FAM193A: variants seen among roughly 807,000 people sequenced by gnomAD.
The protein encoded by FAM193A is family with sequence similarity 193 member A.
Under a neutral mutation model 126.5 loss-of-function variants are expected in FAM193A, and 22 were observed. That is an observed-to-expected ratio of 0.17 (90% CI 0.12 to 0.25). The LOEUF (loss-of-function observed/expected upper bound fraction) is 0.25. FAM193A is among the 10% of genes least tolerant of loss of function. FAM193A has a pLI of 1.00. For missense variants in FAM193A, 1,675 were observed against 1,672.8 expected (o/e 1.00, Z -0.02); for synonymous variants, 761 against 646.8 (o/e 1.18, Z -2.68).
chr4:2,631,862 C>G (rs1164521626), intron 5 of FAM193A, among the ~76,000 whole-genome samples: 2 of 152,176 alleles, frequency 1.3e-5, no homozygotes, highest in African/African-American at 4.8e-5. Flanking sequence ...CTCAGTGCCC[C>G]CACGCTTTGG....
At chr4:2,648,135 A>G (rs1357058199) in intron 7 of FAM193A, among the ~76,000 whole-genome samples, 1 of 152,186 alleles carries the variant, frequency 6.6e-6, no homozygotes, top group Non-Finnish European at 1.5e-5. Flanking sequence ...ATTCTTCTGC[A>G]TTCTCAGCCT....
chr4:2,566,636 C>T (rs917019158), intron 1 of FAM193A, among the ~76,000 whole-genome samples: 1 of 151,884 alleles, frequency 6.6e-6, no homozygotes, highest in Admixed American at 6.6e-5. Flanking sequence ...TGCAGTGAGC[C>T]AAGATCACAC....
chr4:2,626,263 C>G, intron 3 of FAM193A, 147 bp from the exon 4 acceptor site: 1 of 603,472 alleles, frequency 1.7e-6, no homozygotes, highest in Admixed American at 2.5e-5. Context: ...GATGCCATCA[C>G]CCCCCTGCAC....
chr4:2,569,574 T>C (rs1398485359), intron 1 of FAM193A, among the ~76,000 whole-genome samples: 1 of 152,146 alleles, frequency 6.6e-6, no homozygotes, highest in African/African-American at 2.4e-5. Context: ...CATGACTCAC[T>C]GCAGCCTCAA....
chr4:2,539,542 G>T (rs1333954154), intron 1 of FAM193A, among the ~76,000 whole-genome samples: 2 of 151,852 alleles, frequency 1.3e-5, no homozygotes, highest in African/African-American at 4.8e-5. Context: ...ATGTAGCTAG[G>T]CCTCTAGGTA....
rs1736917517 is a variant in FAM193A, at chr4:2,537,052, C to G, written c.137C>G (p.Ala46Gly). The G allele has an allele frequency of 6.8e-6, 1 of 147,124 alleles. No individual in the cohort carries two copies. Among genetic ancestry groups the G allele is most frequent in the Middle Eastern group, 3.4e-3 (1 of 292 alleles). The allele number at this position is 147,124 out of a possible 1,614,324, so 9.1% of individuals were successfully genotyped here. A position where few individuals can be genotyped will look rare whatever the true frequency, so the allele number is the denominator to read the frequency against. ...GPAAALRGSQ[A>G]AGLAAPGSAA... ...GCGGCGGCGCTGCGCGGTTCCCAGG[C>G]CGCGGGCCTGGCGGCCCCGGGCAGC... is the stretch of plus-strand genomic sequence containing the variant. Residue 46 changes from alanine (A) to glycine (G), a missense_variant, in exon 1 of 21, where the codon GCC (alanine) becomes GGC (glycine). Ala to Gly is a moderately conservative substitution (Grantham distance 60). Around this residue, in one of 4 missense-constraint regions of FAM193A, gnomAD observed 1,186 missense variants for 1,109.2 expected, o/e 1.07. Coordinates refer to ENST00000637812, the MANE Select transcript of FAM193A (RefSeq NM_001366318.2).
chr4:2,613,749 TG>T (rs1742021103), intron 2 of FAM193A, among the ~76,000 whole-genome samples: 1 of 116,582 alleles, frequency 8.6e-6, no homozygotes, highest in Non-Finnish European at 1.7e-5. Flanking sequence ...CCACCATACC[TG>T]GCCTTTTTTT....
chr4:2,696,274 A>AT (rs1436483739), intron 17 of FAM193A, 89 bp from the exon 18 acceptor site: 1 of 833,820 alleles, frequency 1.2e-6, no homozygotes, highest in Non-Finnish European at 1.9e-6. Flanking sequence ...TACTTGAGTA[A>AT]TAAAACAGTT....
chr4:2,594,820 CTTT>C (rs386399069), intron 1 of FAM193A, among the ~76,000 whole-genome samples: 49 of 62,226 alleles, frequency 7.9e-4, no homozygotes, highest in Non-Finnish European at 9.1e-4. Context: ...TTTTCTTTTC[CTTT>C]TTTTTTTTTT....
Position 2,725,450 on chromosome 4 carries a change from CAAAAAAA to C in FAM193A, c.4455-6305_4455-6299del, listed in dbSNP as rs71644355. ...GGGCAACAGAGTAAGACCCTGTCTC[CAAAAAAA>C]AAAAAAAAAAAAAAAAAAAGTAATC... On this transcript the variant is annotated intron_variant, in intron 20 of 20. Transcript: ENST00000637812. 9.9e-3 allele frequency among the ~76,000 whole-genome samples: 316 copies of C among 31,774 alleles called. 2 individuals are homozygous for C. The highest frequency in any genetic ancestry group is 0.027 in the African/African-American group (279 of 10,526). 20.8% of individuals were successfully genotyped at this position (31,774 alleles called of 152,430 possible). A position where few individuals can be genotyped will look rare whatever the true frequency, so the allele number is the denominator to read the frequency against.
intron 1 of FAM193A, among the ~76,000 whole-genome samples, chr4:2,579,978 C>T (rs1183835216): frequency 5.3e-5 from 8 of 152,122 alleles, no homozygotes; most frequent in Non-Finnish European, 1.0e-4. Context: ...CACATGCATG[C>T]GTGTGTTCAT....
At chr4:2,598,345 G>A (rs911897087) in intron 2 of FAM193A, among the ~76,000 whole-genome samples, 2 of 152,156 alleles carry the variant, frequency 1.3e-5, no homozygotes, top group Non-Finnish European at 2.9e-5. Flanking sequence ...ACCAATTTAT[G>A]CATTCACCAA....
intron 20 of FAM193A, among the ~76,000 whole-genome samples, chr4:2,724,089 T>C (rs865918407): frequency 2.0e-5 from 3 of 152,192 alleles, no homozygotes; most frequent in Admixed American, 6.5e-5. Flanking sequence ...TTATCTCTTA[T>C]TAATACTACA....
chr4:2,624,870 GTGTC>G (rs1259433121), intron 2 of FAM193A, among the ~76,000 whole-genome samples: 1 of 152,122 alleles, frequency 6.6e-6, no homozygotes, highest in Non-Finnish European at 1.5e-5. Context: ...ATGTATGTGT[GTGTC>G]TGTGTGACAA....
chr4:2,612,794 G>GC (rs1444306656), intron 2 of FAM193A, among the ~76,000 whole-genome samples: 4 of 152,076 alleles, frequency 2.6e-5, no homozygotes, highest in Non-Finnish European at 5.9e-5. Context: ...CTATTCCTTT[G>GC]CCAGTACCAT....
intron 10 of FAM193A, among the ~76,000 whole-genome samples, chr4:2,662,081 G>A (rs933483190): frequency 6.6e-5 from 10 of 152,156 alleles, no homozygotes; most frequent in African/African-American, 2.4e-4. Flanking sequence ...TACTCGGGAG[G>A]CTGAGGCAGG....
intron 6 of FAM193A, among the ~76,000 whole-genome samples, chr4:2,645,767 T>TC (rs1167353012): frequency 6.6e-6 from 1 of 152,174 alleles, no homozygotes; most frequent in African/African-American, 2.4e-5. Context: ...CCTCAGGTGA[T>TC]CCCCTCGCCT....
intron 1 of FAM193A, among the ~76,000 whole-genome samples, chr4:2,546,159 A>T (rs34859307): frequency 0.24 from 35,402 of 147,468 alleles, 4,331 homozygotes; most frequent in East Asian, 0.32. Flanking sequence ...AAAAAAAAAA[A>T]TTTTTTTTTT....
intron 1 of FAM193A, among the ~76,000 whole-genome samples, chr4:2,568,631 C>T (rs550088858): frequency 6.6e-6 from 1 of 152,278 alleles, no homozygotes; most frequent in South Asian, 2.1e-4. Context: ...ACATTCTAAG[C>T]CAGCATTCCC....
Sources: gnomAD v4.1 joint callset for allele counts (sites outside exome capture counted in the v4.1 genomes callset) on GRCh38, gnomAD v4.1.1 for gene constraint, gnomAD v4.1.1 regional missense constraint, MANE v1.5 for transcripts, NCBI Gene and HGNC (gene_info 2026-07-23, HGNC 2026-07-21) for gene names.